The following CSMD1 variants were observed in gnomAD, a reference collection of about 807,000 sequenced individuals.
CSMD1 encodes CUB and sushi domain-containing protein 1.
A neutral mutation model predicts 417.5 loss-of-function variants in CSMD1; 213 were observed. The ratio of observed to expected loss-of-function variants is 0.51; its 90% CI spans 0.46 to 0.57. CSMD1 has a LOEUF of 0.57. Ranked by LOEUF, CSMD1 falls within the 20% of genes least tolerant of loss-of-function variation. CSMD1 has a pLI of 0.00. For missense variants in CSMD1, 6,923 were observed against 4,529.7 expected, an observed-to-expected ratio of 1.53 and a Z score of -15.17; for synonymous variants, 2,862 against 1,736.8, an observed-to-expected ratio of 1.65 and a Z score of -16.11.
intron 50 of CSMD1, among the ~76,000 whole-genome samples, chr8:3,041,754 A>G (rs11987098): frequency 0.04 from 6,067 of 152,294 alleles, 416 homozygotes; most frequent in African/African-American, 0.14. Context: ...GATAAACTTC[A>G]TAGTTCAACA....
At chr8:3,897,470 C>T (rs373857547) in intron 5 of CSMD1, among the ~76,000 whole-genome samples, 17 of 152,070 alleles carry the variant, frequency 1.1e-4, no homozygotes, top group African/African-American at 3.6e-4. Context: ...CATATATAAA[C>T]TAAATTTTTA....
At chr8:3,479,312 C>G (rs937975617) in intron 11 of CSMD1, among the ~76,000 whole-genome samples, 4 of 152,124 alleles carry the variant, frequency 2.6e-5, no homozygotes, top group Admixed American at 6.5e-5. Flanking sequence ...CTAAGTTTCA[C>G]TCTTGTCACC....
At chr8:4,124,149 A>G (rs1455457585) in intron 3 of CSMD1, among the ~76,000 whole-genome samples, 2 of 152,104 alleles carry the variant, frequency 1.3e-5, no homozygotes, top group Non-Finnish European at 2.9e-5. Flanking sequence ...ATGTTGTCCT[A>G]AAACAGTCTG....
intron 3 of CSMD1, among the ~76,000 whole-genome samples, chr8:4,144,924 G>A (rs1380288919): frequency 6.6e-6 from 1 of 151,084 alleles, no homozygotes; most frequent in Non-Finnish European, 1.5e-5. Context: ...TGAGTGGAGT[G>A]AAGCAGAGAC....
chr8:4,264,982 A>G (rs553561759), intron 3 of CSMD1, among the ~76,000 whole-genome samples: 30 of 152,312 alleles, frequency 2.0e-4, no homozygotes, highest in Non-Finnish European at 3.4e-4. Flanking sequence ...TGAATTAGCA[A>G]CAATTAAGAA....
At chr8:3,242,784 G>C (rs1366121263) in intron 26 of CSMD1, among the ~76,000 whole-genome samples, 1 of 151,050 alleles carries the variant, frequency 6.6e-6, no homozygotes, top group East Asian at 2.0e-4. Flanking sequence ...TTACCCTCCA[G>C]ACAAGCGGGA....
intron 5 of CSMD1, among the ~76,000 whole-genome samples, chr8:3,766,186 A>T (rs1798258960): frequency 6.6e-6 from 1 of 152,140 alleles, no homozygotes; most frequent in Non-Finnish European, 1.5e-5. Flanking sequence ...CACGGAAGGG[A>T]CAGAGGAATG....
intron 1 of CSMD1, among the ~76,000 whole-genome samples, chr8:4,647,497 T>C (rs960811839): frequency 1.3e-5 from 2 of 150,808 alleles, no homozygotes; most frequent in South Asian, 4.1e-4. Flanking sequence ...GGTGGTTTGT[T>C]ACGTAGGTAC....
At position 4,788,727 on chromosome 8, in the gene CSMD1, C is replaced by G. The variant is rs933396401; in HGVS notation, c.86-151169G>C. 14 of 450,890 alleles carry G rather than the reference C, an allele frequency of 3.1e-5. No individual in the cohort carries two copies. In the East Asian group the frequency reaches 4.5e-4, roughly 14 times the overall value. 27.9% of individuals were successfully genotyped at this position (450,890 alleles called of 1,614,324 possible). On this transcript the variant is annotated intron_variant, in intron 1 of 69. Coordinates refer to ENST00000635120, the MANE Select transcript of CSMD1 (RefSeq NM_033225.6). ...TTAGTGAATCAATGCTTCTCTAGAT[C>G]CATACTAATAAACATGAAAACCTAA... is the stretch of plus-strand genomic sequence containing the variant.
chr8:3,617,465 A>G (rs1005029381), intron 7 of CSMD1, among the ~76,000 whole-genome samples: 2 of 152,020 alleles, frequency 1.3e-5, no homozygotes, highest in African/African-American at 4.8e-5. Flanking sequence ...AAACTAACAC[A>G]TTTCTTTTTT....
At chr8:3,654,900 G>C (rs944634652) in intron 7 of CSMD1, among the ~76,000 whole-genome samples, 1 of 152,160 alleles carries the variant, frequency 6.6e-6, no homozygotes, top group Non-Finnish European at 1.5e-5. Context: ...CAGGAGCTGG[G>C]CTCCACACAG....
chr8:3,892,398 G>T lies in CSMD1; in HGVS notation c.818+105505C>A, dbSNP rs79978226. On this transcript the variant is annotated intron_variant, in intron 5 of 69. Transcript: ENST00000635120. ...CTATGTGTTATCCTTTACCTACACA[G>T]ATCATCAAGGAGAACTTCCCCAAAG... Among the ~76,000 whole-genome samples the T allele has an allele frequency of 7.2e-3, 1,092 of 152,232 alleles. 14 individuals are homozygous for T. Among genetic ancestry groups the T allele is most frequent in the African/African-American group, 0.025 (1,035 of 41,542 alleles).
intron 3 of CSMD1, among the ~76,000 whole-genome samples, chr8:4,064,198 A>G (rs1314886532): frequency 6.6e-6 from 1 of 152,188 alleles, no homozygotes; most frequent in East Asian, 1.9e-4. Context: ...AGGAGCTTTC[A>G]CCATGGCTCA....
chr8:3,660,991 C>T (rs1798389227), intron 7 of CSMD1, among the ~76,000 whole-genome samples: 1 of 152,248 alleles, frequency 6.6e-6, no homozygotes, highest in East Asian at 1.9e-4. Context: ...CAGAGGTGAG[C>T]GCCAGCACCC....
intron 26 of CSMD1, among the ~76,000 whole-genome samples, chr8:3,251,257 A>C (rs192120646): frequency 2.6e-5 from 4 of 151,770 alleles, no homozygotes; most frequent in African/African-American, 4.8e-5. Flanking sequence ...GTAAGGAAGG[A>C]ATCCAGTTTC....
intron 1 of CSMD1, among the ~76,000 whole-genome samples, chr8:4,644,651 GC>G (rs1803405438): frequency 1.3e-5 from 2 of 152,178 alleles, no homozygotes; most frequent in Non-Finnish European, 2.9e-5. Context: ...TCAGGTGATG[GC>G]CTCGCCTCAG....
At chr8:4,485,422 G>C (rs929717123) in intron 2 of CSMD1, among the ~76,000 whole-genome samples, 9 of 152,178 alleles carry the variant, frequency 5.9e-5, no homozygotes, top group Non-Finnish European at 7.3e-5. Flanking sequence ...GACTCTCACA[G>C]AGAGAGGAAG....
intron 1 of CSMD1, among the ~76,000 whole-genome samples, chr8:4,851,399 TG>T (rs986310527): frequency 6.6e-6 from 1 of 152,128 alleles, no homozygotes; most frequent in Non-Finnish European, 1.5e-5. Flanking sequence ...TTTCCTTTTT[TG>T]TTTTTTTCCT....
chr8:4,626,553 A>G (rs1155851), intron 2 of CSMD1, among the ~76,000 whole-genome samples: 108,661 of 151,804 alleles, frequency 0.72, 39,231 homozygotes, highest in South Asian at 0.81. Flanking sequence ...TAAGAAGGAG[A>G]TCAACAAGAG....
Sources: gnomAD v4.1 joint callset for allele counts (sites outside exome capture counted in the v4.1 genomes callset) on GRCh38, gnomAD v4.1.1 for gene constraint, MANE v1.5 for transcripts, NCBI Gene and HGNC (gene_info 2026-07-23, HGNC 2026-07-21) for gene names.